SFMBT2: variants seen among roughly 807,000 people sequenced by gnomAD.
The protein encoded by SFMBT2 is Scm like with four mbt domains 2.
A neutral mutation model predicts 110.1 loss-of-function variants in SFMBT2; 38 were observed. That is an observed-to-expected ratio of 0.35 (90% CI 0.27 to 0.45). The LOEUF (loss-of-function observed/expected upper bound fraction) is 0.45. Ranked by LOEUF, SFMBT2 falls within the 20% of genes least tolerant of loss-of-function variation. The probability of loss-of-function intolerance (pLI) is 1.00; values close to 1 mark genes in which losing one functional copy is unlikely to be tolerated. For missense variants in SFMBT2, 1,011 were observed against 1,094.9 expected, an observed-to-expected ratio of 0.92 and a Z score of 1.08; for synonymous variants, 425 against 425.4, an observed-to-expected ratio of 1.00 and a Z score of 0.01.
At chr10:7,383,798 G>A (rs538520810) in intron 1 of SFMBT2, among the ~76,000 whole-genome samples, 2 of 152,280 alleles carry the variant, frequency 1.3e-5, no homozygotes, top group East Asian at 1.9e-4. Context: ...GGTTTGAGGC[G>A]TAGAAGTCAA....
At chr10:7,274,117 G>A (rs1841691465) in intron 7 of SFMBT2, among the ~76,000 whole-genome samples, 6 of 152,126 alleles carry the variant, frequency 3.9e-5, no homozygotes, top group Admixed American at 3.9e-4. Flanking sequence ...CATTTCTAAG[G>A]GATGTGACCT....
At position 7,348,572 on chromosome 10, in the gene SFMBT2, T is replaced by C. The variant is rs556089191; in HGVS notation, c.436+19077A>G. 7.9e-5 allele frequency among the ~76,000 whole-genome samples: 12 copies of C among 152,358 alleles called. No homozygotes were observed. The South Asian group carries it at 2.5e-3, about 32-fold the overall frequency. ...ATCTTCAATTCTTTGATACTTCCTC[T>C]GATTAAATCTCCTTGGAAATACAGG... On this transcript the variant is annotated intron_variant, in intron 4 of 20. Coordinates refer to ENST00000397167, the MANE Select transcript of SFMBT2 (RefSeq NM_001387889.1).
intron 7 of SFMBT2, among the ~76,000 whole-genome samples, chr10:7,270,985 T>C (rs1189032696): frequency 6.6e-6 from 1 of 152,114 alleles, no homozygotes; most frequent in Non-Finnish European, 1.5e-5. Context: ...ATATATGAAC[T>C]CAAAAATTTT....
intron 7 of SFMBT2, among the ~76,000 whole-genome samples, chr10:7,266,286 C>T (rs1841388506): frequency 6.6e-6 from 1 of 151,912 alleles, no homozygotes; most frequent in South Asian, 2.1e-4. Context: ...GATGGGGTTT[C>T]ACCATGTTGG....
At chr10:7,181,011 C>T (rs898968976) in intron 16 of SFMBT2, among the ~76,000 whole-genome samples, 1 of 152,124 alleles carries the variant, frequency 6.6e-6, no homozygotes, top group Non-Finnish European at 1.5e-5. Context: ...AGCCTGCTTA[C>T]AGGCAGATCA....
At chr10:7,377,507 T>C (rs545421090) in intron 2 of SFMBT2, among the ~76,000 whole-genome samples, 1 of 152,348 alleles carries the variant, frequency 6.6e-6, no homozygotes, top group East Asian at 1.9e-4. Context: ...TAACTCACCA[T>C]GATATAGAAT....
At chr10:7,353,661 A>T (rs1389952549) in intron 4 of SFMBT2, among the ~76,000 whole-genome samples, 3 of 152,194 alleles carry the variant, frequency 2.0e-5, no homozygotes, top group African/African-American at 7.2e-5. Flanking sequence ...GAAATGTTTC[A>T]TTCATTTCAA....
intron 4 of SFMBT2, among the ~76,000 whole-genome samples, chr10:7,337,759 A>C (rs1411932214): frequency 6.6e-6 from 1 of 152,148 alleles, no homozygotes; most frequent in Non-Finnish European, 1.5e-5. Context: ...AGACCATAAG[A>C]GCTCCTGTTC....
In SFMBT2 at chr10:7,273,642, G is replaced by A. The variant is rs543901119; in HGVS notation, c.870+3250C>T. Among the ~76,000 whole-genome samples, 172 of 152,280 alleles carry A rather than the reference G, an allele frequency of 1.1e-3. 1 individual carries two copies. The highest frequency in any genetic ancestry group is 3.4e-3 in the African/African-American group (141 of 41,542). ...TCCCCACACCCCACGACAGACCCCA[G>A]TGTGTGGTGTTCCCAACCCTGTGTC... On this transcript the variant is annotated intron_variant, in intron 7 of 20. Coordinates refer to ENST00000397167, the MANE Select transcript of SFMBT2 (RefSeq NM_001387889.1).
intron 4 of SFMBT2, among the ~76,000 whole-genome samples, chr10:7,352,901 C>T (rs1011419126): frequency 9.9e-5 from 15 of 152,100 alleles, no homozygotes; most frequent in Admixed American, 5.2e-4. Flanking sequence ...GTTCCAGCTA[C>T]TCGGGAGGTG....
intron 4 of SFMBT2, among the ~76,000 whole-genome samples, chr10:7,339,569 A>G (rs1843826246): frequency 1.3e-5 from 2 of 152,222 alleles, no homozygotes; most frequent in African/African-American, 4.8e-5. Flanking sequence ...ATCTGCTTCA[A>G]TTCAGAGCTG....
intron 10 of SFMBT2, among the ~76,000 whole-genome samples, chr10:7,227,427 AG>A (rs1423807338): frequency 6.6e-6 from 1 of 152,234 alleles, no homozygotes; most frequent in Non-Finnish European, 1.5e-5. Flanking sequence ...TGGTGCAGCC[AG>A]GCAAAGAGCT....
At chr10:7,407,580 G>C (rs1374044059) in intron 1 of SFMBT2, among the ~76,000 whole-genome samples, 1 of 152,224 alleles carries the variant, frequency 6.6e-6, no homozygotes, top group Non-Finnish European at 1.5e-5. Flanking sequence ...AAGGTTCAGG[G>C]AGACAAGGTA....
chr10:7,264,457 G>A (rs971042124), intron 7 of SFMBT2, among the ~76,000 whole-genome samples: 2 of 152,156 alleles, frequency 1.3e-5, no homozygotes, highest in African/African-American at 4.8e-5. Context: ...CATTTGCTCT[G>A]TTCTGAGTCC....
intron 1 of SFMBT2, among the ~76,000 whole-genome samples, chr10:7,393,036 A>AT (rs376854239): frequency 0.014 from 252 of 18,388 alleles, 7 homozygotes; most frequent in African/African-American, 0.082. Context: ...TATATATATA[A>AT]TTTTTTTTTT....
At position 7,243,706 on chromosome 10, in the gene SFMBT2, C is replaced by G; in HGVS notation, c.973-1G>C. 1 of 866,884 alleles carries G rather than the reference C, an allele frequency of 1.2e-6. No individual in the cohort carries two copies. Among genetic ancestry groups the G allele is most frequent in the Non-Finnish European group, 2.0e-6 (1 of 500,048 alleles). 53.7% of individuals were successfully genotyped at this position (866,884 alleles called of 1,614,324 possible). A position where few individuals can be genotyped will look rare whatever the true frequency, so the allele number is the denominator to read the frequency against. On this transcript the variant is annotated splice_acceptor_variant, in intron 8 of 20. Coordinates refer to ENST00000397167, the MANE Select transcript of SFMBT2 (RefSeq NM_001387889.1). LOFTEE classifies it high-confidence loss of function. ...CTTGAAAAAAGTGATTGTTAAAAAC[C>G]TAAAAGAAAAAAAATGGGGGAGCCA...
chr10:7,200,275 C>T (rs1306808498), intron 14 of SFMBT2, 139 bp downstream of exon 14: 40 of 576,954 alleles, frequency 6.9e-5, no homozygotes, highest in East Asian at 6.6e-5. Context: ...AGTAGGTATC[C>T]GTTCCTGAGT....
At chr10:7,231,354 G>A (rs1403216934) in intron 9 of SFMBT2, among the ~76,000 whole-genome samples, 2 of 152,314 alleles carry the variant, frequency 1.3e-5, no homozygotes, top group East Asian at 3.9e-4. Context: ...GTGGGGAGGA[G>A]GGAAATGAGA....
chr10:7,176,182 G>A lies in SFMBT2; in HGVS notation c.1809-17C>T, dbSNP rs757067079. On this transcript the variant is annotated splice_polypyrimidine_tract_variant and intron_variant, in intron 16 of 20. Transcript: ENST00000397167. ...CCTCTGTATCTAGAAAATAGGTGGGGAAGAAAAGCGAGGGCAAGACCAGAT... is the reference window on the plus strand; with the variant it reads ...CCTCTGTATCTAGAAAATAGGTGGGAAAGAAAAGCGAGGGCAAGACCAGAT... 6.2e-7 allele frequency: 1 copy of A among 1,613,646 alleles called. No homozygotes were observed. Among genetic ancestry groups the A allele is most frequent in the Non-Finnish European group, 8.5e-7 (1 of 1,179,578 alleles).
Sources: allele counts gnomAD v4.1 joint callset (sites outside exome capture counted in the v4.1 genomes callset), GRCh38; gene constraint gnomAD v4.1.1; transcripts MANE v1.5; gene names NCBI Gene and HGNC (gene_info 2026-07-23, HGNC 2026-07-21).